ZBTB25: variants seen among roughly 807,000 people sequenced by gnomAD.
ZBTB25 encodes zinc finger and BTB domain-containing protein 25.
ZBTB25 carries 20 observed loss-of-function variants against 34.2 expected under a neutral mutation model. The ratio of observed to expected loss-of-function variants is 0.58; its 90% CI spans 0.41 to 0.85. The LOEUF (loss-of-function observed/expected upper bound fraction) is 0.85. Among genes scored for constraint, ZBTB25 ranks in the 40% least tolerant of loss-of-function variants. The probability of loss-of-function intolerance (pLI) is 0.00; values close to 1 mark genes in which losing one functional copy is unlikely to be tolerated. For missense variants in ZBTB25, 437 were observed against 521.8 expected, an observed-to-expected ratio of 0.84 and a Z score of 1.58; for synonymous variants, 175 against 186.4, an observed-to-expected ratio of 0.94 and a Z score of 0.50.
chr14:64,468,284 T>G, intron 2 of ZBTB25: 1 of 1,007,394 alleles, frequency 9.9e-7, no homozygotes, highest in Non-Finnish European at 1.4e-6. Flanking sequence ...GGTATGAATA[T>G]GCCTGGAAGA....
At chr14:64,460,079 T>G in intron 2 of ZBTB25, 2 of 665,062 alleles carry the variant, frequency 3.0e-6, no homozygotes. Context: ...GTGAGCTCAT[T>G]TGTCAGGCAG....
intron 2 of ZBTB25, chr14:64,465,657 G>T (rs2078605052): frequency 6.6e-6 from 1 of 152,302 alleles, no homozygotes; most frequent in Non-Finnish European, 1.5e-5. Flanking sequence ...AGGAGGGTCG[G>T]GGGCAATGTC....
chr14:64,486,826 G>T lies in ZBTB25; in HGVS notation c.*97C>A. On this transcript the variant is annotated 3_prime_UTR_variant, in exon 3 of 3. Coordinates refer to ENST00000608382, the MANE Select transcript of ZBTB25 (RefSeq NM_006977.5). Reference sequence around the variant, plus strand: ...CATGGATAAGCTGTGAAGAAAAAAAGTCAATGAAACTTGAGGAGGAAAATA... The same window carrying T: ...CATGGATAAGCTGTGAAGAAAAAAATTCAATGAAACTTGAGGAGGAAAATA... 6.9e-7 allele frequency: 1 copy of T among 1,456,224 alleles called. No individual in the cohort carries two copies. Among genetic ancestry groups the T allele is most frequent in the Non-Finnish European group, 9.0e-7 (1 of 1,107,634 alleles). 90.2% of individuals were successfully genotyped at this position (1,456,224 alleles called of 1,614,324 possible).
Position 64,453,667 on chromosome 14 carries a change from A to G in ZBTB25, c.174-4029T>C, listed in dbSNP as rs189666084. The G allele has an allele frequency of 9.0e-6, 7 of 779,788 alleles. No homozygotes were observed. The Admixed American group carries it at 1.2e-4, about 13-fold the overall frequency. The allele number at this position is 779,788 out of a possible 1,614,324, so 48.3% of individuals were successfully genotyped here. On this transcript the variant is annotated intron_variant, in intron 2 of 2. Transcript: ENST00000555220. ...AAACCATCTTCTGCCCCTTTTAGGG[A>G]CTCTGACCTAGAATGTGGCTATGTC...
upstream of ZBTB25, chr14:64,505,028 CGG>C (rs2079620895): frequency 2.6e-6 from 1 of 382,424 alleles, no homozygotes. Context: ...TGGCGGAGTG[CGG>C]GGCCGGAGGG....
At chr14:64,459,489 A>G (rs946565924) in intron 2 of ZBTB25, among the ~76,000 whole-genome samples, 11 of 105,224 alleles carry the variant, frequency 1.0e-4, no homozygotes, top group African/African-American at 3.1e-4. Context: ...CTAGAACACT[A>G]TTCTTTGAGA....
At chr14:64,469,806 G>T (rs974449444) in intron 2 of ZBTB25, 46 of 670,662 alleles carry the variant, frequency 6.9e-5, no homozygotes, top group Non-Finnish European at 1.0e-4. Flanking sequence ...TACAATTCCA[G>T]CGCAGAAGTG....
chr14:64,454,280 T>C (rs2078428198), intron 2 of ZBTB25, among the ~76,000 whole-genome samples: 1 of 152,058 alleles, frequency 6.6e-6, no homozygotes. Context: ...ACCTGGCTAA[T>C]TTTTGTGTTT....
chr14:64,477,047 C>G (rs1261514535), downstream of ZBTB25, among the ~76,000 whole-genome samples: 2 of 152,194 alleles, frequency 1.3e-5, no homozygotes, highest in African/African-American at 4.8e-5. Flanking sequence ...GTTGTGTCAC[C>G]TCGGGGTAAT....
intron 1 of ZBTB25, among the ~76,000 whole-genome samples, chr14:64,501,618 C>G (rs1022393887): frequency 9.2e-5 from 14 of 152,216 alleles, no homozygotes; most frequent in African/African-American, 3.1e-4. Context: ...AAACCCCCAA[C>G]TCTTTTCTGG....
intron 2 of ZBTB25, chr14:64,449,642 C>T (rs764030662): frequency 6.2e-7 from 1 of 1,612,560 alleles, no homozygotes; most frequent in African/African-American, 1.3e-5. Context: ...TTGCTGTCTG[C>T]AAAAAAAGAA....
downstream of ZBTB25, among the ~76,000 whole-genome samples, chr14:64,475,354 G>A (rs1596596376): frequency 6.6e-6 from 1 of 152,020 alleles, no homozygotes; most frequent in African/African-American, 2.4e-5. Context: ...CAGGAGAATG[G>A]CGTGAACCCG....
At chr14:64,504,697 C>G (rs2079609203), upstream of ZBTB25, 3 of 366,058 alleles carry the variant, frequency 8.2e-6, no homozygotes, top group Non-Finnish European at 1.5e-5. Flanking sequence ...TGGGCAGACC[C>G]GGAGTCGCCG....
chr14:64,470,425 A>G (rs1414041654), intron 2 of ZBTB25: 1 of 159,570 alleles, frequency 6.3e-6, no homozygotes, highest in Non-Finnish European at 1.5e-5. Flanking sequence ...CCCCATCTCT[A>G]CTGAAAATAC....
downstream of ZBTB25, among the ~76,000 whole-genome samples, chr14:64,477,425 T>C (rs954319781): frequency 2.8e-4 from 43 of 152,194 alleles, no homozygotes; most frequent in African/African-American, 9.7e-4. Flanking sequence ...TCTTTCCTCA[T>C]AGACGTTAAA....
chr14:64,496,659 G>A (rs2079288703), intron 1 of ZBTB25, among the ~76,000 whole-genome samples: 1 of 152,136 alleles, frequency 6.6e-6, no homozygotes, highest in African/African-American at 2.4e-5. Context: ...CAAGTGAGAA[G>A]GGTGATATTA....
At chr14:64,505,082 G>A, upstream of ZBTB25, 1 of 360,606 alleles carries the variant, frequency 2.8e-6, no homozygotes. Context: ...CGGACGCGCT[G>A]CGAGGACCCG....
At chr14:64,467,321 A>C (rs1161238148) in intron 2 of ZBTB25, 1 of 152,212 alleles carries the variant, frequency 6.6e-6, no homozygotes, top group Non-Finnish European at 1.5e-5. Flanking sequence ...AGGATTAGAG[A>C]TGTATGTAAA....
chr14:64,474,839 A>G (rs2078705156), downstream of ZBTB25, among the ~76,000 whole-genome samples: 1 of 152,256 alleles, frequency 6.6e-6, no homozygotes, highest in Non-Finnish European at 1.5e-5. Flanking sequence ...TTTTCAAAAG[A>G]CTAATCAATG....
Sources: gnomAD v4.1 joint callset for allele counts (sites outside exome capture counted in the v4.1 genomes callset) on GRCh38, gnomAD v4.1.1 for gene constraint, MANE v1.5 for transcripts, NCBI Gene and HGNC (gene_info 2026-07-23, HGNC 2026-07-21) for gene names.